WDR7: variants seen among roughly 807,000 people sequenced by gnomAD.
The protein encoded by WDR7 is WD repeat domain 7, also known as WD repeat-containing protein 7.
In WDR7, 46 loss-of-function variants were observed where a neutral mutation model predicts 169.4. The ratio of observed to expected loss-of-function variants is 0.27; its 90% confidence interval spans 0.21 to 0.35. The LOEUF (loss-of-function observed/expected upper bound fraction) is 0.35, where lower values mean the gene tolerates loss of function less well. Among genes scored for constraint, WDR7 ranks in the 10% least tolerant of loss-of-function variants. The probability of loss-of-function intolerance (pLI) is 1.00; values close to 1 mark genes in which losing one functional copy is unlikely to be tolerated. For synonymous variants in WDR7, 612 were observed against 666.8 expected, an observed-to-expected ratio of 0.92 and a Z score of 1.27; for missense variants, 1,534 against 1,859.3, an observed-to-expected ratio of 0.83 and a Z score of 3.22.
At chr18:57,009,889 G>C in intron 26 of WDR7, 1 of 985,428 alleles carries the variant, frequency 1.0e-6, no homozygotes, top group Non-Finnish European at 1.2e-6. Flanking sequence ...CACATGTGAA[G>C]ATCCTGACCT....
chr18:56,944,653 T>C (rs1006953600), intron 25 of WDR7, among the ~76,000 whole-genome samples: 2 of 152,170 alleles, frequency 1.3e-5, no homozygotes, highest in African/African-American at 4.8e-5. Context: ...CTATCAGCTG[T>C]TAAAACTTCC....
chr18:56,898,679 G>A (rs759984201), intron 21 of WDR7, among the ~76,000 whole-genome samples: 4 of 152,030 alleles, frequency 2.6e-5, no homozygotes, highest in Admixed American at 6.6e-5. Flanking sequence ...CACCAAAAAT[G>A]TCAGAGTCTT....
chr18:56,723,206 C>CTT (rs79345820), intron 13 of WDR7, among the ~76,000 whole-genome samples: 1,783 of 143,646 alleles, frequency 0.012, 19 homozygotes, highest in Middle Eastern at 0.025. Context: ...TTTTTCTTTC[C>CTT]TTTTTTTTTT....
chr18:56,730,584 G>A (rs2026562178), intron 13 of WDR7, among the ~76,000 whole-genome samples: 1 of 152,058 alleles, frequency 6.6e-6, no homozygotes, highest in Non-Finnish European at 1.5e-5. Context: ...GGCTAACACG[G>A]TGAAACCCTG....
intron 20 of WDR7, among the ~76,000 whole-genome samples, chr18:56,833,085 C>G (rs2045341554): frequency 6.6e-6 from 1 of 151,752 alleles, no homozygotes; most frequent in African/African-American, 2.4e-5. Flanking sequence ...AAGCTAAGAA[C>G]CTTGATAAAA....
intron 1 of WDR7, among the ~76,000 whole-genome samples, chr18:56,668,354 G>C (rs150763729): frequency 1.6e-3 from 236 of 152,170 alleles, no homozygotes; most frequent in African/African-American, 5.3e-3. Flanking sequence ...AGCCTATTCC[G>C]GTTAATTCCT....
At chr18:56,744,365 C>T (rs185021062) in intron 14 of WDR7, among the ~76,000 whole-genome samples, 206 of 151,758 alleles carry the variant, frequency 1.4e-3, no homozygotes, top group Admixed American at 2.1e-3. Flanking sequence ...TCCCATTTCT[C>T]CCAGAAGTTG....
At chr18:56,815,626 A>C (rs1390250830) in intron 19 of WDR7, among the ~76,000 whole-genome samples, 2 of 152,190 alleles carry the variant, frequency 1.3e-5, no homozygotes, top group Non-Finnish European at 2.9e-5. Flanking sequence ...CTTTCCTCCC[A>C]ACTCCCAAGT....
At chr18:56,832,579 A>G (rs2045330747) in intron 20 of WDR7, among the ~76,000 whole-genome samples, 1 of 152,286 alleles carries the variant, frequency 6.6e-6, no homozygotes, top group African/African-American at 2.4e-5. Flanking sequence ...CAGACACCTC[A>G]TACAGGAGAG....
chr18:56,791,211 C>T (rs1219153308), intron 19 of WDR7, among the ~76,000 whole-genome samples: 1 of 151,964 alleles, frequency 6.6e-6, no homozygotes, highest in Admixed American at 6.6e-5. Context: ...TGAAACTTAA[C>T]ATTTGAAATA....
intron 15 of WDR7, among the ~76,000 whole-genome samples, chr18:56,757,793 C>A (rs1599020937): frequency 6.6e-6 from 1 of 151,938 alleles, no homozygotes; most frequent in African/African-American, 2.4e-5. Flanking sequence ...GCAGCATAGA[C>A]CCTGCCTCTG....
chr18:56,953,605 C>T (rs1254527106), intron 25 of WDR7, among the ~76,000 whole-genome samples: 1 of 152,270 alleles, frequency 6.6e-6, no homozygotes, highest in East Asian at 1.9e-4. Flanking sequence ...TTAAAGTTGG[C>T]TTGGCAGAGA....
intron 26 of WDR7, among the ~76,000 whole-genome samples, chr18:56,994,383 T>TA (rs200335919): frequency 0.35 from 53,416 of 151,936 alleles, 10,447 homozygotes; most frequent in African/African-American, 0.52. Flanking sequence ...GTATGTTCTG[T>TA]TGAAGTAAGT....
chr18:56,709,915 A>C (rs919836529), intron 12 of WDR7, among the ~76,000 whole-genome samples: 4 of 151,588 alleles, frequency 2.6e-5, no homozygotes, highest in African/African-American at 9.7e-5. Context: ...CACTGTTAAC[A>C]TTTTTGAAAG....
intron 14 of WDR7, among the ~76,000 whole-genome samples, chr18:56,733,822 CTT>C (rs1473999934): frequency 6.6e-6 from 1 of 152,004 alleles, no homozygotes; most frequent in Non-Finnish European, 1.5e-5. Flanking sequence ...ATTATGATAA[CTT>C]ATATATTTAT....
At chr18:56,994,604 G>A (rs1235851663) in intron 26 of WDR7, among the ~76,000 whole-genome samples, 2 of 152,168 alleles carry the variant, frequency 1.3e-5, no homozygotes, top group African/African-American at 4.8e-5. Flanking sequence ...CTCTTATGAT[G>A]TTGGCTGAAT....
At chr18:56,823,301 A>G (rs936974288) in intron 20 of WDR7, among the ~76,000 whole-genome samples, 2 of 152,176 alleles carry the variant, frequency 1.3e-5, no homozygotes, top group African/African-American at 4.8e-5. Flanking sequence ...GCTATAGGCC[A>G]GTTCGGTGGC....
chr18:56,720,443 T>C (rs1212200148), intron 13 of WDR7, among the ~76,000 whole-genome samples: 2 of 151,844 alleles, frequency 1.3e-5, no homozygotes, highest in African/African-American at 2.4e-5. Flanking sequence ...AGAGAGACTC[T>C]GTCTTAAAAA....
chr18:56,947,087 C>A (rs190188498), intron 25 of WDR7, among the ~76,000 whole-genome samples: 1 of 152,246 alleles, frequency 6.6e-6, no homozygotes, highest in East Asian at 1.9e-4. Context: ...CACACACATC[C>A]TTCAAAACAC....
Sources: allele counts gnomAD v4.1 joint callset (sites outside exome capture counted in the v4.1 genomes callset), GRCh38; gene constraint gnomAD v4.1.1; transcripts MANE v1.5; gene names NCBI Gene and HGNC (gene_info 2026-07-23, HGNC 2026-07-21).